Variants in RSKR observed in about 807,000 individuals in gnomAD.
RSKR encodes the protein ribosomal protein S6 kinase related, also known as ribosomal protein S6 kinase-related protein.
A neutral mutation model predicts 56.8 loss-of-function variants in RSKR; 44 were observed. That is an observed-to-expected ratio of 0.77 (90% CI 0.61 to 1.00). RSKR has a LOEUF of 1.00. RSKR is among the 50% of genes least tolerant of loss of function. The probability of loss-of-function intolerance (pLI) is 0.00; values close to 1 mark genes in which losing one functional copy is unlikely to be tolerated. For missense variants in RSKR, 510 were observed against 506.9 expected, an observed-to-expected ratio of 1.01 and a Z score of -0.06; for synonymous variants, 181 against 188.0, an observed-to-expected ratio of 0.96 and a Z score of 0.30.
Position 28,613,469 on chromosome 17 carries a change from T to TA in RSKR, c.294dup (p.Arg99Ter), listed in dbSNP as rs778839643. 6.3e-5 allele frequency: 102 copies of TA among 1,614,048 alleles called. No individual in the cohort carries two copies. Among genetic ancestry groups the TA allele is most frequent in the Non-Finnish European group, 8.4e-5 (99 of 1,180,024 alleles). ...AGCTGCTGCTGCCCCCTAATGGGCCTAATGGGAAACTCTGGTAGAAAGAGG... is the reference window on the plus strand; with the variant it reads ...AGCTGCTGCTGCCCCCTAATGGGCCTAAATGGGAAACTCTGGTAGAAAGAGG... On this transcript the variant is annotated frameshift_variant, in exon 2 of 12. Transcript: ENST00000301037. LOFTEE classifies it high-confidence loss of function.
Position 28,613,459 on chromosome 17 carries a change from C to G in RSKR, c.305G>C (p.Arg102Thr). ...FLPEFPIRPI[R>T]GQQQLKILGL... is the part of the protein sequence containing the mutation. ...ACTTACCTTCAGCTGCTGCTGCCCC[C>G]TAATGGGCCTAATGGGAAACTCTGG... Residue 102 changes from arginine (R) to threonine (T), a missense_variant, in exon 2 of 12, where the codon AGG becomes ACG. By Grantham distance (71) the Arg-to-Thr change is moderately conservative (BLOSUM62 -1). Coordinates refer to ENST00000301037, the MANE Select transcript of RSKR (RefSeq NM_001174103.2). 5.6e-6 allele frequency: 9 copies of G among 1,614,222 alleles called. No homozygotes were observed. Among genetic ancestry groups the G allele is most frequent in the Non-Finnish European group, 7.6e-6 (9 of 1,180,038 alleles).
rs907133005 is a variant in RSKR, at chr17:28,611,163, G to T, written c.991C>A (p.Leu331Ile). 2.1e-5 allele frequency: 33 copies of T among 1,536,146 alleles called. No homozygotes were observed. The highest frequency in any genetic ancestry group is 2.8e-5 in the Non-Finnish European group (32 of 1,146,864). The change falls in exon 11 of 12, where the codon CTC becomes ATC. Residue 331 changes from leucine to isoleucine, a missense_variant. Transcript: ENST00000301037. ...SEIPASLNQG[L>I]SLLLHELLCQ... ...CTTACCTCATGGAGCAGGAGTGAGA[G>T]GCCCTGGTTAAGAGAAGCTGGGATC...
chr17:28,612,658 G>GCCA lies in RSKR; in HGVS notation c.506_507insTGG (p.Ser169_Leu170insGly). ...GTTTTCCCTGCCAGCTGTCCCCCAAGCTGTGTACAAAGGGATGGTTGATCT... is the reference window on the plus strand; with the variant it reads ...GTTTTCCCTGCCAGCTGTCCCCCAAGCCACTGTGTACAAAGGGATGGTTGATCT... On this transcript the variant is annotated inframe_insertion, in exon 5 of 12. Coordinates refer to ENST00000301037, the MANE Select transcript of RSKR (RefSeq NM_001174103.2). 1.2e-6 allele frequency: 2 copies of GCCA among 1,614,186 alleles called. No individual in the cohort carries two copies. The highest frequency in any genetic ancestry group is 8.5e-7 in the Non-Finnish European group (1 of 1,180,026).
At chr17:28,610,738 C>T (rs1380123123) in intron 11 of RSKR, 39 bp from the exon 12 acceptor site, 4 of 1,513,726 alleles carry the variant, frequency 2.6e-6, no homozygotes, top group Non-Finnish European at 3.5e-6. Context: ...GTGACTAGGA[C>T]AGGACAGGCC....
Position 28,611,220 on chromosome 17 carries a change from T to G in RSKR, c.934A>C (p.Met312Leu). The G allele has an allele frequency of 6.5e-7, 1 of 1,536,172 alleles. No individual in the cohort carries two copies. The change falls in exon 11 of 12, where the codon ATG (methionine) becomes CTG (leucine). Residue 312 changes from methionine to leucine, a missense_variant. Physicochemically the swap from Met to Leu is conservative, Grantham distance 15. Coordinates refer to ENST00000301037, the MANE Select transcript of RSKR (RefSeq NM_001174103.2). ...PVAAERDHVA[M>L]LASVTHSDSE... ...TCACTGTGGGTCACACTTGCCAACA[T>G]GGCCACATGATCTCTCTCTGCAGCC...
chr17:28,612,010 T>C lies in RSKR; in HGVS notation c.693+34A>G. 1.2e-6 allele frequency: 2 copies of C among 1,614,116 alleles called. 1 individual carries two copies. The highest frequency in any genetic ancestry group is 2.2e-5 in the South Asian group (2 of 91,076). On this transcript the variant is annotated intron_variant, in intron 7 of 11. Coordinates refer to ENST00000301037, the MANE Select transcript of RSKR (RefSeq NM_001174103.2). ...GTTGGCACTTCTTATTGAGACTCTT[T>C]CTCAGACAAAGGGAAAAAAGCACTT...
rs1567634796 is a variant in RSKR, at chr17:28,613,583, G to C, written c.181C>G (p.His61Asp). ...AGGGATTCCTGGTGCAGATAGTGGT[G>C]CCCCCGTAGTTCCCAGAGTTCTTCC... ...DLEELWELRGHHYLHQESLKP... is the reference protein window; with the variant it reads ...DLEELWELRGDHYLHQESLKP... Residue 61 changes from histidine (H) to aspartate (D), a missense_variant, in exon 2 of 12, where the codon CAC (histidine) becomes GAC (aspartate). Coordinates refer to ENST00000301037, the MANE Select transcript of RSKR (RefSeq NM_001174103.2). The C allele has an allele frequency of 6.2e-7, 1 of 1,614,156 alleles. No individual in the cohort carries two copies. The highest frequency in any genetic ancestry group is 1.3e-5 in the African/African-American group (1 of 75,012).
At position 28,613,613 on chromosome 17, in the gene RSKR, C is replaced by T; in HGVS notation, c.151G>A (p.Asp51Asn). The T allele has an allele frequency of 6.2e-7, 1 of 1,614,166 alleles. No individual in the cohort carries two copies. Among genetic ancestry groups the T allele is most frequent in the Non-Finnish European group, 8.5e-7 (1 of 1,180,028 alleles). Residue 51 changes from aspartate (D) to asparagine (N), a missense_variant, in exon 2 of 12, where the codon GAT becomes AAT. Physicochemically the swap from Asp to Asn is conservative, Grantham distance 23. Coordinates refer to ENST00000301037, the MANE Select transcript of RSKR (RefSeq NM_001174103.2). ...CGTAGTTCCCAGAGTTCTTCCAGAT[C>T]TGACCTGATGGTTCCCAAACCTGTC... is the stretch of plus-strand genomic sequence containing the variant. ...LWTGLGTIRS[D>N]LEELWELRGH...
In RSKR at chr17:28,612,506, G is replaced by T. The variant is rs566852994; in HGVS notation, c.547+112C>A. The T allele has an allele frequency of 2.2e-5, 31 of 1,393,764 alleles. No individual in the cohort carries two copies. The East Asian group carries it at 6.9e-4, about 31-fold the overall frequency. 86.3% of individuals were successfully genotyped at this position (1,393,764 alleles called of 1,614,324 possible). ...TGTTCCCCTCCCTTTGGGACAGAGAGGTGCCATGAGAAGGGGGACAGAGCA... is the reference window on the plus strand; with the variant it reads ...TGTTCCCCTCCCTTTGGGACAGAGATGTGCCATGAGAAGGGGGACAGAGCA... On this transcript the variant is annotated intron_variant, in intron 5 of 11. Coordinates refer to ENST00000301037, the MANE Select transcript of RSKR (RefSeq NM_001174103.2).
chr17:28,610,242 C>T lies in RSKR; in HGVS notation c.*236G>A, dbSNP rs1282353834. ...AGTAAAGAAAAGGAAAAGGTCACCA[C>T]CCTGATCTGACATGTTGAATTGAGA... On this transcript the variant is annotated 3_prime_UTR_variant, in exon 12 of 12. Coordinates refer to ENST00000301037, the MANE Select transcript of RSKR (RefSeq NM_001174103.2). 2 of 523,834 alleles carry T rather than the reference C, an allele frequency of 3.8e-6. No individual in the cohort carries two copies. Among genetic ancestry groups the T allele is most frequent in the Non-Finnish European group, 6.9e-6 (2 of 291,398 alleles). 32.4% of individuals were successfully genotyped at this position (523,834 alleles called of 1,614,324 possible).
At chr17:28,612,731 T>C (rs777567363) in intron 4 of RSKR, 44 bp from the exon 5 acceptor site, 9 of 1,594,214 alleles carry the variant, frequency 5.6e-6, no homozygotes, top group Admixed American at 3.3e-5. Context: ...ACAGGGTCAT[T>C]GAGAATAAAG....
intron 1 of RSKR, 76 bp downstream of exon 1, chr17:28,614,011 A>G: frequency 6.4e-7 from 1 of 1,566,296 alleles, no homozygotes; most frequent in South Asian, 1.1e-5. Flanking sequence ...CATGCTCCTA[A>G]CCAGGAACTT....
chr17:28,613,296 A>T lies in RSKR; in HGVS notation c.374T>A (p.Leu125Gln). The T allele has an allele frequency of 6.2e-7, 1 of 1,614,222 alleles. No individual in the cohort carries two copies. The highest frequency in any genetic ancestry group is 1.1e-5 in the South Asian group (1 of 91,084). Residue 125 changes from leucine to glutamine, a missense_variant, in exon 3 of 12, where the codon CTA becomes CAA. Coordinates refer to ENST00000301037, the MANE Select transcript of RSKR (RefSeq NM_001174103.2). ...KGSFGTVLKV[L>Q]DCTQKAVFAV... ...AAATACAGCTTTCTGGGTGCAATCT[A>T]GCACCTTGAGGACAGTTCCAAAGGA...
At chr17:28,613,892 G>C in intron 1 of RSKR, 195 bp downstream of exon 1, 1 of 1,006,264 alleles carries the variant, frequency 9.9e-7, no homozygotes, top group Non-Finnish European at 1.4e-6. Context: ...ATAATTGTTG[G>C]ACATTTTCAC....
Position 28,613,312 on chromosome 17 carries a change from T to A in RSKR, c.358A>T (p.Thr120Ser), listed in dbSNP as rs770665071. 34 of 1,614,104 alleles carry A rather than the reference T, an allele frequency of 2.1e-5. No homozygotes were observed. The highest frequency in any genetic ancestry group is 2.7e-5 in the African/African-American group (2 of 74,928). ...LGLVAKGSFG[T>S]VLKVLDCTQK... ...GTGCAATCTAGCACCTTGAGGACAG[T>A]TCCAAAGGAGCCTTTAGCCACGAGG... The change falls in exon 3 of 12, where the codon ACT (threonine) becomes TCT (serine). Residue 120 changes from threonine (T) to serine (S), a missense_variant. Thr to Ser is a moderately conservative substitution (Grantham distance 58). Transcript: ENST00000301037.
chr17:28,612,726 G>C (rs778442015), intron 4 of RSKR, 39 bp from the exon 5 acceptor site: 28 of 1,600,438 alleles, frequency 1.7e-5, no homozygotes, highest in Middle Eastern at 1.7e-4. Flanking sequence ...GAGGAACAGG[G>C]TCATTGAGAA....
rs1163712904 is a variant in RSKR at position 28,613,149 on chromosome 17, A to G, written c.409-3T>C. The G allele has an allele frequency of 6.2e-7, 1 of 1,613,914 alleles. No individual in the cohort carries two copies. The highest frequency in any genetic ancestry group is 1.7e-5 in the Admixed American group (1 of 60,026). Reference sequence around the variant, plus strand: ...AGGACCTTTACCTTGGGCACCACCTATAAAAGGAGAGTAGTGATGACTCAT... The same window carrying G: ...AGGACCTTTACCTTGGGCACCACCTGTAAAAGGAGAGTAGTGATGACTCAT... On this transcript the variant is annotated splice_region_variant and splice_polypyrimidine_tract_variant and intron_variant, in intron 3 of 11. Coordinates refer to ENST00000301037, the MANE Select transcript of RSKR (RefSeq NM_001174103.2).
In RSKR at chr17:28,610,461, A is replaced by G. The variant is rs922458977; in HGVS notation, c.*17T>C. 57 of 1,534,676 alleles carry G rather than the reference A, an allele frequency of 3.7e-5. No homozygotes were observed. The highest frequency in any genetic ancestry group is 4.4e-5 in the Non-Finnish European group (50 of 1,145,830). ...TCTTCAGGCTCCCAGCCGGGCCCCAATTTACAGTAGAGAGGCTCAAGCAGG... is the reference window on the plus strand; with the variant it reads ...TCTTCAGGCTCCCAGCCGGGCCCCAGTTTACAGTAGAGAGGCTCAAGCAGG... On this transcript the variant is annotated 3_prime_UTR_variant, in exon 12 of 12. Transcript: ENST00000301037.
At position 28,613,102 on chromosome 17, in the gene RSKR, C is replaced by T. The variant is rs2070845107; in HGVS notation, c.453G>A (p.Gln151=). Residue 151 remains glutamine (Q), a synonymous_variant, in exon 4 of 12, where the codon CAG becomes CAA. Transcript: ENST00000301037. ...CCTGGATGCTAACCTCCTCTTTGCA[C>T]TGCCTCACGGTATCCCTCTGTAGGA... The part of the protein sequence containing the change: ...VKVLQRDTVR[Q]CKEEVSIQRQ... 6.2e-7 allele frequency: 1 copy of T among 1,614,044 alleles called. No homozygotes were observed. Among genetic ancestry groups the T allele is most frequent in the Non-Finnish European group, 8.5e-7 (1 of 1,180,056 alleles).
Sources: gnomAD v4.1 joint callset for allele counts on GRCh38, gnomAD v4.1.1 for gene constraint, MANE v1.5 for transcripts, NCBI Gene and HGNC (gene_info 2026-07-23, HGNC 2026-07-21) for gene names.